Variants in ANO2 observed in about 807,000 individuals in gnomAD.
ANO2 encodes the protein anoctamin-2.
ANO2 carries 101 observed loss-of-function variants against 124.2 expected under a neutral mutation model. The observed-to-expected ratio is 0.81, with a 90% CI of 0.69 to 0.96. ANO2 has a LOEUF of 0.96. Among genes scored for constraint, ANO2 ranks in the 40% least tolerant of loss-of-function variants. The pLI, the probability that ANO2 is intolerant of heterozygous loss-of-function variation, is 0.00. For synonymous variants in ANO2, 486 were observed against 482.5 expected (o/e 1.01, Z -0.09); for missense variants, 1,293 against 1,274.5 (o/e 1.01, Z -0.22).
At chr12:5,751,925 G>C (rs1472437687) in intron 10 of ANO2, among the ~76,000 whole-genome samples, 8 of 151,906 alleles carry the variant, frequency 5.3e-5, no homozygotes, top group Non-Finnish European at 7.4e-5. Context: ...CTATTCTTTG[G>C]ATCTATGAGT....
intron 4 of ANO2, among the ~76,000 whole-genome samples, chr12:5,845,026 C>G (rs1954639221): frequency 6.7e-6 from 1 of 149,912 alleles, no homozygotes; most frequent in African/African-American, 2.5e-5. Context: ...AATCCCAGCA[C>G]TTTGGGAGGC....
rs1027036340 is a variant in ANO2 at position 5,925,922 on chromosome 12, A to G, written c.23-3118T>C. Among the ~76,000 whole-genome samples the G allele has an allele frequency of 6.6e-6, 1 of 152,148 alleles. No individual in the cohort carries two copies. Among genetic ancestry groups the G allele is most frequent in the African/African-American group, 2.4e-5 (1 of 41,438 alleles). On this transcript the variant is annotated intron_variant, in intron 1 of 24. Transcript: ENST00000682330. This position sits in a 1 kb window ranked among gnomAD's most constrained non-coding sequence, Gnocchi z 4.6. Reference sequence around the variant, plus strand: ...ACTCCAGAGACCTTCATTGTCACCTATTGCTGACGACACTTAAGTTTCACT... The same window carrying G: ...ACTCCAGAGACCTTCATTGTCACCTGTTGCTGACGACACTTAAGTTTCACT...
intron 14 of ANO2, among the ~76,000 whole-genome samples, chr12:5,714,498 T>C (rs2137043771): frequency 6.6e-6 from 1 of 152,220 alleles, no homozygotes; most frequent in Admixed American, 6.5e-5. Context: ...GAGCTAGAAA[T>C]AGCATGGAAC....
chr12:5,585,656 C>T (rs1259530332), intron 20 of ANO2, among the ~76,000 whole-genome samples: 2 of 152,124 alleles, frequency 1.3e-5, no homozygotes, highest in Non-Finnish European at 2.9e-5. Context: ...TTACGTTATC[C>T]ACCTGCAAGA....
chr12:5,867,778 G>GAAAAAAAAAAAA (rs10622876), intron 3 of ANO2, among the ~76,000 whole-genome samples: 12 of 78,538 alleles, frequency 1.5e-4, no homozygotes, highest in Non-Finnish European at 2.6e-4. Context: ...GCACTATAAT[G>GAAAAAAAAAAAA]AAAAAAAAAA....
intron 16 of ANO2, among the ~76,000 whole-genome samples, chr12:5,633,190 C>G (rs183623931): frequency 6.6e-6 from 1 of 152,140 alleles, no homozygotes; most frequent in Non-Finnish European, 1.5e-5. Flanking sequence ...TAGAAGAGGA[C>G]GCTGGCATTC....
chr12:5,880,796 G>A (rs962478321), intron 3 of ANO2, among the ~76,000 whole-genome samples: 8 of 137,700 alleles, frequency 5.8e-5, no homozygotes, highest in Admixed American at 8.0e-5. Context: ...AGATGGATAG[G>A]TGGATGGATG....
intron 4 of ANO2, among the ~76,000 whole-genome samples, chr12:5,840,238 C>T (rs896625841): frequency 6.6e-6 from 1 of 152,058 alleles, no homozygotes; most frequent in Non-Finnish European, 1.5e-5. Flanking sequence ...AAATATGTTG[C>T]TGTTATTTTT....
chr12:5,823,715 C>T (rs11830581), intron 7 of ANO2, among the ~76,000 whole-genome samples: 61 of 152,348 alleles, frequency 4.0e-4, no homozygotes, highest in African/African-American at 1.4e-3. Context: ...CTCCACTAGG[C>T]AGTGCCCCAG....
chr12:5,730,276 G>A (rs754616577), intron 14 of ANO2, among the ~76,000 whole-genome samples: 5 of 152,040 alleles, frequency 3.3e-5, no homozygotes, highest in Non-Finnish European at 5.9e-5. Flanking sequence ...AAAAGTAAAC[G>A]GACTTGGTAT....
intron 11 of ANO2, among the ~76,000 whole-genome samples, chr12:5,749,362 G>A (rs1370956697): frequency 6.6e-6 from 1 of 152,180 alleles, no homozygotes; most frequent in Non-Finnish European, 1.5e-5. Flanking sequence ...CTCCACCTAA[G>A]TCAAACAGAG....
intron 14 of ANO2, among the ~76,000 whole-genome samples, chr12:5,695,759 T>C (rs1949145230): frequency 6.6e-6 from 1 of 152,240 alleles, no homozygotes; most frequent in Non-Finnish European, 1.5e-5. Context: ...GAGCATCGCT[T>C]GAACCTGGGA....
chr12:5,699,873 T>G (rs1221770350), intron 14 of ANO2, among the ~76,000 whole-genome samples: 1 of 152,110 alleles, frequency 6.6e-6, no homozygotes, highest in African/African-American at 2.4e-5. Flanking sequence ...AGGGATCAAT[T>G]CAACAAGAAG....
intron 17 of ANO2, among the ~76,000 whole-genome samples, chr12:5,614,395 A>C (rs1944693100): frequency 6.6e-6 from 1 of 152,160 alleles, no homozygotes; most frequent in Non-Finnish European, 1.5e-5. Flanking sequence ...GCTCTGAGTC[A>C]TGTGATACTA....
chr12:5,714,568 G>T (rs905412601), intron 14 of ANO2, among the ~76,000 whole-genome samples: 1 of 152,136 alleles, frequency 6.6e-6, no homozygotes, highest in Admixed American at 6.5e-5. Context: ...TATGGTGCTC[G>T]CTGTGGTCCA....
At chr12:5,909,806 C>T (rs1744052162) in intron 3 of ANO2, among the ~76,000 whole-genome samples, 1 of 152,156 alleles carries the variant, frequency 6.6e-6, no homozygotes, top group South Asian at 2.1e-4. Flanking sequence ...AGCAGCCAGG[C>T]AGGACTGCCA....
chr12:5,672,758 T>A (rs1461008893), intron 14 of ANO2, among the ~76,000 whole-genome samples: 1 of 151,846 alleles, frequency 6.6e-6, no homozygotes, highest in Non-Finnish European at 1.5e-5. Context: ...CAGGCAAGAG[T>A]CTAGAAATGA....
At chr12:5,863,737 G>C (rs949023827) in intron 3 of ANO2, among the ~76,000 whole-genome samples, 3 of 152,044 alleles carry the variant, frequency 2.0e-5, no homozygotes, top group Admixed American at 6.5e-5. Context: ...CCTCAAAAAG[G>C]CTAGAGGGAA....
intron 10 of ANO2, among the ~76,000 whole-genome samples, chr12:5,771,072 T>A (rs893001175): frequency 1.3e-5 from 2 of 152,214 alleles, no homozygotes; most frequent in Admixed American, 6.5e-5. Context: ...TTTGTCCCTC[T>A]CCACTGCTAG....
Sources: allele counts gnomAD v4.1 joint callset (sites outside exome capture counted in the v4.1 genomes callset), GRCh38; gene constraint gnomAD v4.1.1; non-coding constraint Gnocchi (gnomAD v3.1); transcripts MANE v1.5; gene names NCBI Gene and HGNC (gene_info 2026-07-23, HGNC 2026-07-21).